The following RAP1GAP2 variants were observed in gnomAD, a reference collection of about 807,000 sequenced individuals.
RAP1GAP2 encodes rap1 GTPase-activating protein 2.
RAP1GAP2 carries 27 observed loss-of-function variants against 95.0 expected under a neutral mutation model. The ratio of observed to expected loss-of-function variants is 0.28; its 90% CI spans 0.21 to 0.39. The LOEUF (loss-of-function observed/expected upper bound fraction) is 0.39. Ranked by LOEUF, RAP1GAP2 falls within the 10% of genes least tolerant of loss-of-function variation. RAP1GAP2 has a pLI of 1.00. For missense variants in RAP1GAP2, 771 were observed against 970.0 expected, an observed-to-expected ratio of 0.79 and a Z score of 2.72; for synonymous variants, 373 against 380.9, an observed-to-expected ratio of 0.98 and a Z score of 0.24.
chr17:2,842,982 C>T (rs144114597), intron 2 of RAP1GAP2, among the ~76,000 whole-genome samples: 273 of 152,218 alleles, frequency 1.8e-3, no homozygotes, highest in African/African-American at 6.4e-3. Context: ...TAGCGTAGAG[C>T]AGACGCCATC....
In RAP1GAP2 at chr17:2,889,801, GC is replaced by G. The variant is rs2073627633; in HGVS notation, c.81-15481del. The stretch of plus-strand genomic sequence containing the variant: ...GGGTTCAAGTGATTCTCCTGCCTCA[GC>G]CTCCAGAGTAGCTGGGACTACAGGC... On this transcript the variant is annotated intron_variant, in intron 2 of 24. Transcript: ENST00000254695. Among the ~76,000 whole-genome samples, 8 of 143,602 alleles carry G rather than the reference GC, an allele frequency of 5.6e-5. No homozygotes were observed. In the South Asian group the frequency reaches 1.6e-3, roughly 28 times the overall value. The allele number at this position is 143,602 out of a possible 152,430, so 94.2% of individuals were successfully genotyped here.
At chr17:2,843,982 A>G (rs895400132) in intron 2 of RAP1GAP2, among the ~76,000 whole-genome samples, 1 of 152,138 alleles carries the variant, frequency 6.6e-6, no homozygotes, top group Non-Finnish European at 1.5e-5. Context: ...AGCGTTGGGT[A>G]AAAGGAAGAT....
At chr17:2,959,836 C>A (rs2044244533) in intron 4 of RAP1GAP2, among the ~76,000 whole-genome samples, 2 of 152,130 alleles carry the variant, frequency 1.3e-5, no homozygotes, top group Admixed American at 6.5e-5. Flanking sequence ...AAAGATAATA[C>A]CCATTGTGGC....
intron 2 of RAP1GAP2, among the ~76,000 whole-genome samples, chr17:2,810,211 C>T (rs2069706441): frequency 1.3e-5 from 2 of 152,044 alleles, no homozygotes; most frequent in South Asian, 2.1e-4. Flanking sequence ...CCCCGGCCTT[C>T]CCTCCCTGGG....
At chr17:2,840,026 A>G (rs893583523) in intron 2 of RAP1GAP2, among the ~76,000 whole-genome samples, 7 of 151,186 alleles carry the variant, frequency 4.6e-5, no homozygotes, top group African/African-American at 1.7e-4. Context: ...TCAAACTCCC[A>G]ACCTCAGGTT....
chr17:2,874,217 C>T (rs2072986149), intron 2 of RAP1GAP2, among the ~76,000 whole-genome samples: 1 of 152,158 alleles, frequency 6.6e-6, no homozygotes, highest in South Asian at 2.1e-4. Flanking sequence ...GAGCTCTGTG[C>T]CTGGGGAACA....
intron 1 of RAP1GAP2, among the ~76,000 whole-genome samples, chr17:2,764,871 C>G (rs2068245981): frequency 1.3e-5 from 2 of 152,156 alleles, no homozygotes; most frequent in African/African-American, 4.8e-5. Flanking sequence ...CGGAGGCAAC[C>G]AGGTTTACCA....
At chr17:2,955,657 G>C (rs1230749003) in intron 3 of RAP1GAP2, among the ~76,000 whole-genome samples, 1 of 152,068 alleles carries the variant, frequency 6.6e-6, no homozygotes, top group Non-Finnish European at 1.5e-5. Flanking sequence ...AAGCCACCTG[G>C]GTCTGGGCTT....
chr17:2,965,824 C>G lies in RAP1GAP2; in HGVS notation c.596+181C>G. The G allele has an allele frequency of 1.7e-6, 1 of 591,846 alleles. No individual in the cohort carries two copies. Among genetic ancestry groups the G allele is most frequent in the Non-Finnish European group, 3.0e-6 (1 of 332,486 alleles). The allele number at this position is 591,846 out of a possible 1,614,324, so 36.7% of individuals were successfully genotyped here. A position where few individuals can be genotyped will look rare whatever the true frequency, so the allele number is the denominator to read the frequency against. On this transcript the variant is annotated intron_variant, in intron 8 of 24. Transcript: ENST00000254695. This position sits in a 1 kb window ranked among gnomAD's most constrained non-coding sequence, Gnocchi z 4.7. The stretch of plus-strand genomic sequence containing the variant: ...GTCTGAAGTTGCCTAGCAGGGAGAC[C>G]CACGCGCTCCACCAGTTAGCTGACA...
rs892029798 is a variant in RAP1GAP2, at chr17:3,034,405, G to A, written c.*1044G>A. 8.7e-6 allele frequency: 2 copies of A among 230,838 alleles called. No homozygotes were observed. Among genetic ancestry groups the A allele is most frequent in the South Asian group, 3.9e-5 (1 of 25,486 alleles). 14.3% of individuals were successfully genotyped at this position (230,838 alleles called of 1,614,324 possible). ...CCCACTTACTCGAGGAGAGAGGTGA[G>A]GGGGGGATGACTTGCGGGTTCTGAT... is the stretch of plus-strand genomic sequence containing the variant. On this transcript the variant is annotated 3_prime_UTR_variant, in exon 25 of 25. Coordinates refer to ENST00000254695, the MANE Select transcript of RAP1GAP2 (RefSeq NM_015085.5). The surrounding 1 kb of genome is among the most constrained non-coding windows in gnomAD (Gnocchi z 5.1).
chr17:2,934,905 A>G (rs1432383819), intron 3 of RAP1GAP2, among the ~76,000 whole-genome samples: 1 of 152,204 alleles, frequency 6.6e-6, no homozygotes, highest in African/African-American at 2.4e-5. Context: ...TGTGAAACAG[A>G]ATATGACGCC....
At chr17:2,796,340 GAC>G (rs781561718), upstream of RAP1GAP2, 616 of 648,130 alleles carry the variant, frequency 9.5e-4, no homozygotes, top group Non-Finnish European at 1.3e-3. The surrounding 1 kb of genome is among the most constrained non-coding windows in gnomAD (Gnocchi z 4.7). Flanking sequence ...TGGAGTGCAG[GAC>G]ACACCTCCCA....
At chr17:2,759,932 A>G (rs2071212371) in intron 1 of RAP1GAP2, among the ~76,000 whole-genome samples, 1 of 152,108 alleles carries the variant, frequency 6.6e-6, no homozygotes, top group South Asian at 2.1e-4. Context: ...ACATTTGCAT[A>G]TTGAAAAAGA....
chr17:2,790,383 C>T (rs531787655), intron 1 of RAP1GAP2, among the ~76,000 whole-genome samples: 36 of 152,242 alleles, frequency 2.4e-4, no homozygotes, highest in African/African-American at 7.2e-4. Context: ...AATCCCAAAG[C>T]GCTGGGATTA....
At chr17:2,912,335 C>T (rs2042415701) in intron 3 of RAP1GAP2, among the ~76,000 whole-genome samples, 1 of 152,200 alleles carries the variant, frequency 6.6e-6, no homozygotes, top group African/African-American at 2.4e-5. Flanking sequence ...GCTTGTAGCA[C>T]AGCCCCCGGC....
At chr17:2,875,703 T>C (rs71359186) in intron 2 of RAP1GAP2, among the ~76,000 whole-genome samples, 10 of 152,032 alleles carry the variant, frequency 6.6e-5, no homozygotes, top group Non-Finnish European at 1.3e-4. Context: ...GTCCTCCTGG[T>C]TTCCCTCCGT....
At chr17:3,028,334 T>C (rs915346146) in intron 22 of RAP1GAP2, among the ~76,000 whole-genome samples, 1 of 152,042 alleles carries the variant, frequency 6.6e-6, no homozygotes, top group Non-Finnish European at 1.5e-5. Context: ...TCTGGCGACA[T>C]TTTTAATTTT....
intron 2 of RAP1GAP2, chr17:2,854,120 CG>C: frequency 1.0e-6 from 1 of 985,448 alleles, no homozygotes; most frequent in Non-Finnish European, 1.2e-6. Context: ...CCTGCAGCGC[CG>C]GCCGCTTCCC....
chr17:2,882,649 C>G (rs1285195401), intron 2 of RAP1GAP2, among the ~76,000 whole-genome samples: 1 of 152,200 alleles, frequency 6.6e-6, no homozygotes, highest in Non-Finnish European at 1.5e-5. Context: ...GGTTGATTGG[C>G]TTTTCATTTC....
Sources: gnomAD v4.1 joint callset for allele counts (sites outside exome capture counted in the v4.1 genomes callset) on GRCh38, gnomAD v4.1.1 for gene constraint, Gnocchi (gnomAD v3.1) non-coding constraint, MANE v1.5 for transcripts, NCBI Gene and HGNC (gene_info 2026-07-23, HGNC 2026-07-21) for gene names.